The following CERS3 variants were observed in gnomAD, a reference collection of about 807,000 sequenced individuals.
CERS3 encodes the protein ceramide synthase 3.
A neutral mutation model predicts 50.3 loss-of-function variants in CERS3; 33 were observed. The observed-to-expected ratio is 0.66, with a 90% CI of 0.50 to 0.88. The LOEUF (loss-of-function observed/expected upper bound fraction) is 0.88, where lower values mean the gene tolerates loss of function less well. Among genes scored for constraint, CERS3 ranks in the 40% least tolerant of loss-of-function variants. CERS3 has a pLI of 0.00. For synonymous variants in CERS3, 176 were observed against 155.2 expected (o/e 1.13, Z -0.99); for missense variants, 470 against 460.3 (o/e 1.02, Z -0.19).
At chr15:100,441,818 C>T (rs1048048086) in intron 11 of CERS3, among the ~76,000 whole-genome samples, 5 of 151,060 alleles carry the variant, frequency 3.3e-5, no homozygotes, top group African/African-American at 1.2e-4. Context: ...AGTCTGTGTT[C>T]CCAGTGCAAC....
intron 5 of CERS3, among the ~76,000 whole-genome samples, chr15:100,483,787 A>ATTATTATTATTT (rs760594142): frequency 0.013 from 1,313 of 99,958 alleles, 33 homozygotes; most frequent in Non-Finnish European, 0.02. Context: ...TATTATTATT[A>ATTATTATTATTT]TTTTTTTTTT....
intron 11 of CERS3, among the ~76,000 whole-genome samples, chr15:100,433,957 T>C (rs2033268558): frequency 6.6e-6 from 1 of 152,234 alleles, no homozygotes; most frequent in African/African-American, 2.4e-5. Context: ...CAGGTAGATT[T>C]AGGGGCTACC....
chr15:100,431,937 G>A (rs1303774994), intron 11 of CERS3, among the ~76,000 whole-genome samples: 2 of 152,176 alleles, frequency 1.3e-5, no homozygotes, highest in African/African-American at 4.8e-5. Context: ...TTTACGGTGT[G>A]AGTAGTAGAT....
chr15:100,408,024 A>C (rs1197418164), intron 11 of CERS3, among the ~76,000 whole-genome samples: 1 of 152,074 alleles, frequency 6.6e-6, no homozygotes, highest in South Asian at 2.1e-4. Context: ...GGCGGCCACC[A>C]CTGTGCCTGG....
At chr15:100,517,798 G>A (rs1170876195) in intron 2 of CERS3, among the ~76,000 whole-genome samples, 1 of 152,142 alleles carries the variant, frequency 6.6e-6, no homozygotes, top group Non-Finnish European at 1.5e-5. Flanking sequence ...GGAGGGTGGG[G>A]TGCAGTGGGT....
At chr15:100,454,798 A>C (rs1007779483) in intron 11 of CERS3, among the ~76,000 whole-genome samples, 1 of 152,150 alleles carries the variant, frequency 6.6e-6, no homozygotes, top group Admixed American at 6.5e-5. Flanking sequence ...AATGGGAGAA[A>C]ATATTTGCAA....
intron 6 of CERS3, 143 bp downstream of exon 6, chr15:100,479,846 T>C: frequency 3.0e-6 from 2 of 666,106 alleles, no homozygotes; most frequent in South Asian, 1.8e-5. Flanking sequence ...TCTGTAGCAA[T>C]ATTTGAGACA....
chr15:100,504,856 G>C (rs1567669072), intron 2 of CERS3, among the ~76,000 whole-genome samples: 1 of 152,204 alleles, frequency 6.6e-6, no homozygotes, highest in Non-Finnish European at 1.5e-5. Flanking sequence ...TGAACCATCT[G>C]ACATAACTGA....
At chr15:100,463,562 T>C (rs879867990) in intron 10 of CERS3, among the ~76,000 whole-genome samples, 2 of 152,174 alleles carry the variant, frequency 1.3e-5, no homozygotes, top group Non-Finnish European at 2.9e-5. Context: ...TTGTAGCTGT[T>C]CTTCGTGAAC....
intron 7 of CERS3, among the ~76,000 whole-genome samples, chr15:100,478,131 A>T (rs901909012): frequency 2.0e-5 from 3 of 152,208 alleles, no homozygotes; most frequent in African/African-American, 7.2e-5. Context: ...AAATAACTTC[A>T]AAAACAGCTT....
At chr15:100,405,249 CA>C (rs945329307) in intron 11 of CERS3, among the ~76,000 whole-genome samples, 11 of 39,174 alleles carry the variant, frequency 2.8e-4, no homozygotes, top group South Asian at 8.6e-4. Flanking sequence ...AAAAAAAAAA[CA>C]AAAAAAAACC....
intron 11 of CERS3, among the ~76,000 whole-genome samples, chr15:100,431,905 T>G (rs1310172879): frequency 6.6e-6 from 1 of 152,190 alleles, no homozygotes; most frequent in Non-Finnish European, 1.5e-5. Flanking sequence ...AGGCAAAAAG[T>G]CTGGAATCCT....
intron 1 of CERS3, among the ~76,000 whole-genome samples, chr15:100,522,841 T>C (rs1221734458): frequency 6.6e-6 from 1 of 152,244 alleles, no homozygotes; most frequent in Non-Finnish European, 1.5e-5. Flanking sequence ...GTAGAACATA[T>C]ACCTGGGAGT....
intron 11 of CERS3, among the ~76,000 whole-genome samples, chr15:100,426,339 G>A (rs2032810899): frequency 6.6e-6 from 1 of 152,116 alleles, no homozygotes; most frequent in Admixed American, 6.5e-5. Flanking sequence ...GTCTTATAAT[G>A]AGTGAAAAAA....
rs572210472 is a variant in CERS3, at chr15:100,419,994, T to C, written c.1000-17129A>G. 9.3e-3 allele frequency among the ~76,000 whole-genome samples: 1,337 copies of C among 144,166 alleles called. 8 individuals carry two copies. Among genetic ancestry groups the C allele is most frequent in the Middle Eastern group, 0.068 (19 of 280 alleles). 94.6% of individuals were successfully genotyped at this position (144,166 alleles called of 152,430 possible). ...AGAGAAAGCAGGAAAGATCCAAAAT[T>C]GACACCCTAACATCACAATTAAAAG... On this transcript the variant is annotated intron_variant, in intron 11 of 11. Transcript: ENST00000679737.
intron 11 of CERS3, among the ~76,000 whole-genome samples, chr15:100,407,992 C>A (rs2031187818): frequency 6.6e-6 from 1 of 152,140 alleles, no homozygotes; most frequent in Non-Finnish European, 1.5e-5. Context: ...CTGCCTCAGC[C>A]CCCTGAGTAG....
intron 1 of CERS3, among the ~76,000 whole-genome samples, chr15:100,543,803 T>G (rs2037264095): frequency 6.6e-6 from 1 of 152,212 alleles, no homozygotes; most frequent in Non-Finnish European, 1.5e-5. Context: ...GTGCTGGGAT[T>G]ACAGGCGTGT....
At chr15:100,543,026 G>A (rs547330947) in intron 1 of CERS3, among the ~76,000 whole-genome samples, 1 of 152,198 alleles carries the variant, frequency 6.6e-6, no homozygotes, top group South Asian at 2.1e-4. Context: ...TGATTCTCCT[G>A]CCTCAGCCTC....
chr15:100,473,897 A>T (rs1376688938), intron 8 of CERS3, among the ~76,000 whole-genome samples: 1 of 152,262 alleles, frequency 6.6e-6, no homozygotes, highest in Non-Finnish European at 1.5e-5. Context: ...CCATCAACTG[A>T]TAAGAGGATG....
Sources: allele counts gnomAD v4.1 joint callset (sites outside exome capture counted in the v4.1 genomes callset), GRCh38; gene constraint gnomAD v4.1.1; transcripts MANE v1.5; gene names NCBI Gene and HGNC (gene_info 2026-07-23, HGNC 2026-07-21).